The following DPP10 variants were observed in gnomAD, a reference collection of about 807,000 sequenced individuals.
DPP10 encodes the protein dipeptidyl peptidase like 10.
In DPP10, 33 loss-of-function variants were observed where a neutral mutation model predicts 120.9. The observed-to-expected ratio is 0.27, with a 90% CI of 0.21 to 0.37. The LOEUF (loss-of-function observed/expected upper bound fraction) is 0.37. Ranked by LOEUF, DPP10 falls within the 10% of genes least tolerant of loss-of-function variation. The probability of loss-of-function intolerance (pLI) is 1.00; values close to 1 mark genes in which losing one functional copy is unlikely to be tolerated. For missense variants in DPP10, 816 were observed against 942.8 expected (o/e 0.87, Z 1.76); for synonymous variants, 337 against 326.1 (o/e 1.03, Z -0.36).
intron 19 of DPP10, among the ~76,000 whole-genome samples, chr2:115,803,592 G>A (rs185830160): frequency 0.018 from 2,784 of 152,144 alleles, 87 homozygotes; most frequent in African/African-American, 0.061. Context: ...TCCATGTTTA[G>A]TGCTTCCTTC....
intron 1 of DPP10, among the ~76,000 whole-genome samples, chr2:114,752,331 C>A (rs1324960653): frequency 6.6e-6 from 1 of 152,094 alleles, no homozygotes; most frequent in Non-Finnish European, 1.5e-5. Context: ...AGAAATCCTG[C>A]CAAAGTTGAA....
chr2:115,384,851 T>A (rs1421751505), intron 3 of DPP10, among the ~76,000 whole-genome samples: 1 of 152,228 alleles, frequency 6.6e-6, no homozygotes. Flanking sequence ...AAATCTCATC[T>A]TGAATTTTAC....
chr2:115,809,716 G>A (rs1300779141), intron 19 of DPP10, among the ~76,000 whole-genome samples: 1 of 152,132 alleles, frequency 6.6e-6, no homozygotes, highest in African/African-American at 2.4e-5. Flanking sequence ...TTCTCTCTAT[G>A]TCCCCTCTTT....
At chr2:115,042,840 T>C (rs898471912) in intron 1 of DPP10, among the ~76,000 whole-genome samples, 1 of 152,228 alleles carries the variant, frequency 6.6e-6, no homozygotes, top group Non-Finnish European at 1.5e-5. Flanking sequence ...TCCCACCTCA[T>C]AGTGTATACT....
intron 5 of DPP10, among the ~76,000 whole-genome samples, chr2:115,678,258 C>CTGGGGATGTCTTTAGGCA (rs2090415595): frequency 6.6e-6 from 1 of 152,228 alleles, no homozygotes; most frequent in Non-Finnish European, 1.5e-5. Context: ...GCATCCCCGC[C>CTGGGGATGTCTTTAGGCA]TGTCACAGGC....
chr2:114,832,398 G>A (rs1405026920), intron 1 of DPP10, among the ~76,000 whole-genome samples: 1 of 152,194 alleles, frequency 6.6e-6, no homozygotes, highest in Non-Finnish European at 1.5e-5. Context: ...AGCCGGGCGT[G>A]TTGGTGGGTT....
chr2:114,834,646 A>G (rs74182885), intron 1 of DPP10, among the ~76,000 whole-genome samples: 18,124 of 46,538 alleles, frequency 0.39, 5,684 homozygotes, highest in Non-Finnish European at 0.57. Context: ...CCATATCTAC[A>G]CACCTATGTA....
At chr2:114,699,893 A>C (rs1275505360) in intron 1 of DPP10, among the ~76,000 whole-genome samples, 1 of 152,078 alleles carries the variant, frequency 6.6e-6, no homozygotes, top group Non-Finnish European at 1.5e-5. Flanking sequence ...GTAATCTATT[A>C]GTTACGATAC....
intron 1 of DPP10, among the ~76,000 whole-genome samples, chr2:114,865,594 G>C (rs1690158718): frequency 6.6e-6 from 1 of 152,166 alleles, no homozygotes; most frequent in African/African-American, 2.4e-5. Context: ...ATTCAAGTGA[G>C]AGTGAAGATG....
At chr2:115,532,431 A>G (rs940123782) in intron 5 of DPP10, among the ~76,000 whole-genome samples, 4 of 152,028 alleles carry the variant, frequency 2.6e-5, no homozygotes, top group African/African-American at 9.7e-5. Flanking sequence ...TTAACTGTGT[A>G]TTTTCCTATT....
At chr2:115,186,618 T>A (rs961480439) in intron 1 of DPP10, among the ~76,000 whole-genome samples, 4 of 152,152 alleles carry the variant, frequency 2.6e-5, no homozygotes, top group African/African-American at 9.7e-5. Flanking sequence ...TTTCAAGAAG[T>A]AGGAAGCAGC....
intron 1 of DPP10, among the ~76,000 whole-genome samples, chr2:115,025,597 G>A (rs1703402077): frequency 6.6e-6 from 1 of 152,052 alleles, no homozygotes; most frequent in South Asian, 2.1e-4. Context: ...CATAATGGCT[G>A]TACTAATAAT....
chr2:114,518,622 A>G (rs2104635512), intron 1 of DPP10, among the ~76,000 whole-genome samples: 1 of 152,284 alleles, frequency 6.6e-6, no homozygotes, highest in South Asian at 2.1e-4. Context: ...TTGTTTCTCC[A>G]GCTGTCCTCC....
chr2:115,412,223 G>A (rs1243063598), intron 3 of DPP10, among the ~76,000 whole-genome samples: 1 of 152,110 alleles, frequency 6.6e-6, no homozygotes, highest in East Asian at 1.9e-4. Flanking sequence ...CGCCTGTGTG[G>A]CAACTCTGTT....
chr2:115,380,436 C>G (rs1483060904), intron 3 of DPP10, among the ~76,000 whole-genome samples: 9 of 152,072 alleles, frequency 5.9e-5, no homozygotes, highest in Non-Finnish European at 1.3e-4. Context: ...GGTTTTGAGC[C>G]TATGTGTGTC....
At chr2:115,666,495 A>T (rs1485923406) in intron 5 of DPP10, among the ~76,000 whole-genome samples, 1 of 152,162 alleles carries the variant, frequency 6.6e-6, no homozygotes, top group Non-Finnish European at 1.5e-5. Context: ...GGGGAATTGC[A>T]ATTCAAGATG....
At chr2:115,301,831 G>A (rs546117273) in intron 1 of DPP10, among the ~76,000 whole-genome samples, 19 of 152,038 alleles carry the variant, frequency 1.2e-4, no homozygotes, top group East Asian at 5.8e-4. Context: ...CCTCTAAATC[G>A]TGATGCTAAA....
chr2:115,117,344 A>G (rs1017108772), intron 1 of DPP10, among the ~76,000 whole-genome samples: 2 of 152,254 alleles, frequency 1.3e-5, no homozygotes, highest in African/African-American at 4.8e-5. Context: ...AAGCCAAAAC[A>G]GCAATTTTAC....
chr2:114,908,348 T>G (rs1358009390), intron 1 of DPP10, among the ~76,000 whole-genome samples: 5 of 151,980 alleles, frequency 3.3e-5, no homozygotes, highest in Non-Finnish European at 7.4e-5. Context: ...TAGTTTTCTT[T>G]TGGTATTGTA....
Sources: gnomAD v4.1 joint callset for allele counts (sites outside exome capture counted in the v4.1 genomes callset) on GRCh38, gnomAD v4.1.1 for gene constraint, MANE v1.5 for transcripts, NCBI Gene and HGNC (gene_info 2026-07-23, HGNC 2026-07-21) for gene names.